SPOCK2: variants seen among roughly 807,000 people sequenced by gnomAD.
SPOCK2 encodes SPARC (osteonectin), cwcv and kazal like domains proteoglycan 2.
SPOCK2 carries 39 observed loss-of-function variants against 60.1 expected under a neutral mutation model. The observed-to-expected ratio is 0.65, with a 90% confidence interval of 0.50 to 0.85. The LOEUF is 0.85. Ranked by LOEUF, SPOCK2 falls within the 40% of genes least tolerant of loss-of-function variation. The probability of loss-of-function intolerance (pLI) is 0.00; values close to 1 mark genes in which losing one functional copy is unlikely to be tolerated. For synonymous variants in SPOCK2, 217 were observed against 231.5 expected, an observed-to-expected ratio of 0.94 and a Z score of 0.57; for missense variants, 523 against 567.4, an observed-to-expected ratio of 0.92 and a Z score of 0.80.
chr10:72,077,629 C>A (rs986899031), intron 1 of SPOCK2, among the ~76,000 whole-genome samples: 3 of 152,218 alleles, frequency 2.0e-5, no homozygotes, highest in Admixed American at 1.3e-4. Flanking sequence ...TGGGTGTCTT[C>A]ACCCCAAACA....
At chr10:72,086,351 C>T (rs1193957433) in intron 1 of SPOCK2, 5 of 997,098 alleles carry the variant, frequency 5.0e-6, no homozygotes, top group African/African-American at 1.7e-5. Context: ...TTCTCACCCA[C>T]GGAGCTGGCT....
At chr10:72,067,278 G>A (rs1840583249) in intron 7 of SPOCK2, among the ~76,000 whole-genome samples, 158 bp from the exon 8 acceptor site, 1 of 152,172 alleles carries the variant, frequency 6.6e-6, no homozygotes, top group Admixed American at 6.5e-5. Context: ...ACGGCGAAAG[G>A]TCCTTCCTTC....
rs1840601749 is a variant in SPOCK2 at position 72,068,428 on chromosome 10, C to T, written c.475-127G>A. 2.4e-5 allele frequency: 23 copies of T among 965,872 alleles called. No homozygotes were observed. The South Asian group carries it at 2.9e-4, about 12-fold the overall frequency. 59.8% of individuals were successfully genotyped at this position (965,872 alleles called of 1,614,324 possible). On this transcript the variant is annotated intron_variant, in intron 5 of 10. Transcript: ENST00000373109. ...CCCCCATGGAGTGCCCATGAACAGC[C>T]TGAAGGGTCCTCTTGGTTCCTCTGC... is the stretch of plus-strand genomic sequence containing the variant.
At position 72,085,078 on chromosome 10, in the gene SPOCK2, G is replaced by A. The variant is rs562865367; in HGVS notation, c.189+3062C>T. On this transcript the variant is annotated intron_variant, in intron 1 of 10. Transcript: ENST00000373109. ...CTGAAGAATGCTGTATAATGGACCT[G>A]TCTCCTCCAAGTGTCCATCCCTCTA... is the stretch of plus-strand genomic sequence containing the variant. 1.9e-3 allele frequency among the ~76,000 whole-genome samples: 286 copies of A among 152,326 alleles called. 3 individuals are homozygous for A. The highest frequency in any genetic ancestry group is 8.5e-4 in the Non-Finnish European group (58 of 68,030).
At position 72,075,386 on chromosome 10, in the gene SPOCK2, C is replaced by G. The variant is rs141792097; in HGVS notation, c.190-2476G>C. ...GCCCTCAACCAACAAGATCTGTGTG[C>G]CCATAACCCACCTGCCCCAGAGTGG... is the stretch of plus-strand genomic sequence containing the variant. On this transcript the variant is annotated intron_variant, in intron 1 of 10. Coordinates refer to ENST00000373109, the MANE Select transcript of SPOCK2 (RefSeq NM_001244950.2). Among the ~76,000 whole-genome samples the G allele has an allele frequency of 5.0e-3, 764 of 152,122 alleles. 8 individuals are homozygous for G. Among genetic ancestry groups the G allele is most frequent in the African/African-American group, 0.017 (722 of 41,502 alleles).
chr10:72,083,422 G>A (rs1589126137), intron 1 of SPOCK2, among the ~76,000 whole-genome samples: 1 of 152,232 alleles, frequency 6.6e-6, no homozygotes, highest in East Asian at 1.9e-4. Flanking sequence ...GCTGCTGCAA[G>A]GTCACACAGC....
chr10:72,076,464 AG>A (rs1840716139), intron 1 of SPOCK2, among the ~76,000 whole-genome samples: 1 of 152,240 alleles, frequency 6.6e-6, no homozygotes, highest in African/African-American at 2.4e-5. Context: ...GAGTGGTGGC[AG>A]GTGGCTCTGC....
In SPOCK2 at chr10:72,078,242, G is replaced by A. The variant is rs368367895; in HGVS notation, c.190-5332C>T. On this transcript the variant is annotated intron_variant, in intron 1 of 10. Coordinates refer to ENST00000373109, the MANE Select transcript of SPOCK2 (RefSeq NM_001244950.2). ...AATAAATATAAATAATAGGCCAGGCGCGGTGGCTCACACCTGTAATCCCAG... is the reference window on the plus strand; with the variant it reads ...AATAAATATAAATAATAGGCCAGGCACGGTGGCTCACACCTGTAATCCCAG... Among the ~76,000 whole-genome samples the A allele has an allele frequency of 7.9e-5, 12 of 152,218 alleles. No homozygotes were observed. The East Asian group carries it at 1.7e-3, about 22-fold the overall frequency.
rs1840778576 is a variant in SPOCK2, at chr10:72,081,123, G to A, written c.189+7017C>T. Among the ~76,000 whole-genome samples, 7 of 152,220 alleles carry A rather than the reference G, an allele frequency of 4.6e-5. No individual in the cohort carries two copies. The South Asian group carries it at 1.4e-3, about 32-fold the overall frequency. ...CTGAGCCACAGGCCGTGGTGCAGGGGAAGAGCCCCAGGCCACAAGAGGAGT... is the reference window on the plus strand; with the variant it reads ...CTGAGCCACAGGCCGTGGTGCAGGGAAAGAGCCCCAGGCCACAAGAGGAGT... On this transcript the variant is annotated intron_variant, in intron 1 of 10. Transcript: ENST00000373109.
intron 1 of SPOCK2, among the ~76,000 whole-genome samples, chr10:72,081,159 G>A (rs1287986222): frequency 1.3e-5 from 2 of 152,236 alleles, no homozygotes; most frequent in Non-Finnish European, 2.9e-5. Flanking sequence ...GGGGTTGCAG[G>A]TGCCTGCCCT....
intron 2 of SPOCK2, 65 bp downstream of exon 2, chr10:72,072,837 A>T: frequency 6.4e-7 from 1 of 1,550,860 alleles, no homozygotes; most frequent in South Asian, 1.2e-5. Context: ...GTGTGGAGGG[A>T]CACAGGAGGG....
chr10:72,080,475 C>T (rs1288322150), intron 1 of SPOCK2, among the ~76,000 whole-genome samples: 1 of 152,168 alleles, frequency 6.6e-6, no homozygotes, highest in Non-Finnish European at 1.5e-5. Context: ...CCACAGGGCA[C>T]AGACAGAAGG....
intron 1 of SPOCK2, among the ~76,000 whole-genome samples, chr10:72,081,650 C>T (rs1218032023): frequency 1.3e-5 from 2 of 152,238 alleles, no homozygotes; most frequent in Non-Finnish European, 2.9e-5. Flanking sequence ...GCACGGAGGG[C>T]TGAAGGACAG....
intron 1 of SPOCK2, among the ~76,000 whole-genome samples, chr10:72,074,019 G>A (rs1027617609): frequency 2.0e-5 from 3 of 152,214 alleles, no homozygotes; most frequent in African/African-American, 7.2e-5. Context: ...GGGAGCTGGG[G>A]GGAGAGGGGC....
intron 1 of SPOCK2, among the ~76,000 whole-genome samples, chr10:72,084,836 TA>T (rs903555761): frequency 3.3e-4 from 50 of 152,264 alleles, no homozygotes; most frequent in African/African-American, 1.2e-3. Context: ...CCACTCAAAT[TA>T]AAGTGCTTTA....
At chr10:72,071,320 T>C (rs1156899682) in intron 4 of SPOCK2, among the ~76,000 whole-genome samples, 4 of 152,034 alleles carry the variant, frequency 2.6e-5, no homozygotes, top group Non-Finnish European at 5.9e-5. Context: ...CACACGAGTA[T>C]CTGGGACTAC....
At chr10:72,073,840 C>G (rs1414134728) in intron 1 of SPOCK2, among the ~76,000 whole-genome samples, 1 of 152,266 alleles carries the variant, frequency 6.6e-6, no homozygotes, top group Non-Finnish European at 1.5e-5. Context: ...GGCTTCCTCC[C>G]TTTCCCCTAC....
chr10:72,088,064 C>A, intron 1 of SPOCK2, 76 bp downstream of exon 1: 6 of 1,549,466 alleles, frequency 3.9e-6, no homozygotes, highest in African/African-American at 1.4e-5. Flanking sequence ...GTGCGGCGGC[C>A]GCTCCCGCAG....
chr10:72,088,057 C>A (rs1302490000), intron 1 of SPOCK2, 83 bp downstream of exon 1: 8 of 1,527,080 alleles, frequency 5.2e-6, no homozygotes, highest in African/African-American at 1.4e-5. Flanking sequence ...CTGCGACGTG[C>A]GGCGGCCGCT....
Sources: allele counts gnomAD v4.1 joint callset (sites outside exome capture counted in the v4.1 genomes callset), GRCh38; gene constraint gnomAD v4.1.1; transcripts MANE v1.5; gene names NCBI Gene and HGNC (gene_info 2026-07-23, HGNC 2026-07-21).